Variants in DCDC1 observed in about 807,000 individuals in gnomAD.
The protein encoded by DCDC1 is doublecortin domain containing 1.
In DCDC1, 200 loss-of-function variants were observed where a neutral mutation model predicts 178.3. The ratio of observed to expected loss-of-function variants is 1.12; its 90% CI spans 1.00 to 1.26. DCDC1 has a LOEUF of 1.26. Among genes scored for constraint, DCDC1 ranks in the 50% most tolerant of loss-of-function variants. The pLI is 0.00. For missense variants in DCDC1, 1,983 were observed against 1,749.2 expected (o/e 1.13, Z -2.38); for synonymous variants, 690 against 604.8 (o/e 1.14, Z -2.07).
chr11:30,975,478 A>G (rs910297498), intron 20 of DCDC1, among the ~76,000 whole-genome samples: 4 of 152,020 alleles, frequency 2.6e-5, no homozygotes, highest in Non-Finnish European at 5.9e-5. Flanking sequence ...AAAAAACACT[A>G]AAGATTCCAT....
intron 12 of DCDC1, among the ~76,000 whole-genome samples, chr11:31,108,882 A>G (rs1428901836): frequency 6.6e-6 from 1 of 152,178 alleles, no homozygotes; most frequent in Non-Finnish European, 1.5e-5. Flanking sequence ...TTTATAGCAT[A>G]AGAATTTGTT....
intron 9 of DCDC1, among the ~76,000 whole-genome samples, chr11:31,187,792 A>G (rs1323837574): frequency 6.6e-6 from 1 of 152,188 alleles, no homozygotes; most frequent in Non-Finnish European, 1.5e-5. Flanking sequence ...GAGGATTCAT[A>G]GTCTAATCAC....
intron 9 of DCDC1, among the ~76,000 whole-genome samples, chr11:31,148,698 G>T (rs1466552918): frequency 7.3e-6 from 1 of 137,268 alleles, no homozygotes; most frequent in Admixed American, 7.3e-5. Context: ...GCAAGACTCC[G>T]TCTCAAAAAA....
chr11:31,057,052 T>A (rs1955628945), intron 20 of DCDC1, among the ~76,000 whole-genome samples: 1 of 151,656 alleles, frequency 6.6e-6, no homozygotes, highest in Admixed American at 6.6e-5. Flanking sequence ...GCCAACATGG[T>A]GAAAACCCAT....
intron 20 of DCDC1, among the ~76,000 whole-genome samples, chr11:31,026,616 G>T (rs1183783140): frequency 6.6e-6 from 1 of 151,770 alleles, no homozygotes; most frequent in African/African-American, 2.4e-5. Context: ...AGCAAGTGCT[G>T]CAATTCTCTG....
chr11:31,283,728 T>A (rs1362028747), intron 7 of DCDC1, among the ~76,000 whole-genome samples: 1 of 152,154 alleles, frequency 6.6e-6, no homozygotes, highest in Non-Finnish European at 1.5e-5. Context: ...GCTGTTCTTT[T>A]CCTGGCAGTT....
At chr11:31,050,354 C>T (rs1026336621) in intron 20 of DCDC1, among the ~76,000 whole-genome samples, 2 of 152,162 alleles carry the variant, frequency 1.3e-5, no homozygotes, top group South Asian at 2.1e-4. Flanking sequence ...GCAAGACCTG[C>T]CCAAGGACAG....
At chr11:30,957,782 A>G (rs979046848) in intron 20 of DCDC1, among the ~76,000 whole-genome samples, 1 of 152,200 alleles carries the variant, frequency 6.6e-6, no homozygotes, top group Non-Finnish European at 1.5e-5. Flanking sequence ...CCTTCATGAC[A>G]TGTGGTAAGA....
At chr11:31,282,090 A>C (rs1946479920) in intron 7 of DCDC1, among the ~76,000 whole-genome samples, 2 of 152,134 alleles carry the variant, frequency 1.3e-5, no homozygotes, top group African/African-American at 2.4e-5. Context: ...TAGTCTCATC[A>C]TGTGAGGGGG....
chr11:31,155,608 T>A (rs1238172357), intron 9 of DCDC1, among the ~76,000 whole-genome samples: 1 of 152,210 alleles, frequency 6.6e-6, no homozygotes, highest in African/African-American at 2.4e-5. Flanking sequence ...AGCCAGACAT[T>A]TCCCTCATGG....
intron 9 of DCDC1, among the ~76,000 whole-genome samples, chr11:31,144,501 A>G (rs1021818803): frequency 6.6e-6 from 1 of 152,170 alleles, no homozygotes; most frequent in African/African-American, 2.4e-5. Context: ...TAGTTGTAGC[A>G]TTTATGTTTT....
chr11:30,931,072 T>TA lies in DCDC1; in HGVS notation c.2897+698dup, dbSNP rs1946896137. Among the ~76,000 whole-genome samples the TA allele has an allele frequency of 4.6e-5, 7 of 152,136 alleles. No individual in the cohort carries two copies. The South Asian group carries it at 1.5e-3, about 32-fold the overall frequency. Reference sequence around the variant, plus strand: ...ACATCTCAAAAGAAAGGTCAAGAGGTAATATGGCTGCTAATAATATGAGAA... The same window carrying TA: ...ACATCTCAAAAGAAAGGTCAAGAGGTAAATATGGCTGCTAATAATATGAGAA... On this transcript the variant is annotated intron_variant, in intron 22 of 38. Transcript: ENST00000684477.
chr11:31,286,499 T>C lies in DCDC1; in HGVS notation c.960+4148A>G, dbSNP rs146419283. On this transcript the variant is annotated intron_variant, in intron 7 of 38. Transcript: ENST00000684477. ...GAAGAAAATATTAGAATTATTCATT[T>C]TTATCTATAAAAATCAATAATTATG... is the stretch of plus-strand genomic sequence containing the variant. Among the ~76,000 whole-genome samples, 1,036 of 152,056 alleles carry C rather than the reference T, an allele frequency of 6.8e-3. 13 individuals carry two copies. Among genetic ancestry groups the C allele is most frequent in the African/African-American group, 0.024 (983 of 41,528 alleles).
intron 21 of DCDC1, chr11:30,943,792 T>G: frequency 3.0e-6 from 1 of 327,920 alleles, no homozygotes; most frequent in East Asian, 7.9e-5. Context: ...CATAAAAATA[T>G]TATCAATTGC....
intron 1 of DCDC1, among the ~76,000 whole-genome samples, chr11:31,351,646 T>A (rs1177572797): frequency 2.0e-5 from 3 of 152,186 alleles, no homozygotes; most frequent in Non-Finnish European, 4.4e-5. Context: ...CTTACTTTAA[T>A]GGACAGTGTT....
intron 36 of DCDC1, among the ~76,000 whole-genome samples, chr11:30,888,098 A>AAGAAAGAAAG (rs1254212107): frequency 8.5e-5 from 9 of 105,496 alleles, no homozygotes; most frequent in African/African-American, 1.9e-4. Flanking sequence ...GAAAGAAAGA[A>AAGAAAGAAAG]AAAGAAAGAA....
At chr11:31,180,609 C>A (rs1968660260) in intron 9 of DCDC1, among the ~76,000 whole-genome samples, 1 of 152,122 alleles carries the variant, frequency 6.6e-6, no homozygotes. Context: ...TTGGGGAACT[C>A]CCTCCACTAG....
chr11:31,330,110 T>C (rs1234977418), intron 2 of DCDC1, among the ~76,000 whole-genome samples: 1 of 152,230 alleles, frequency 6.6e-6, no homozygotes, highest in Non-Finnish European at 1.5e-5. Flanking sequence ...TGTGAGATGG[T>C]ATCTCATTGT....
At chr11:31,228,235 A>G (rs1975270150) in intron 9 of DCDC1, among the ~76,000 whole-genome samples, 1 of 152,100 alleles carries the variant, frequency 6.6e-6, no homozygotes, top group Non-Finnish European at 1.5e-5. Flanking sequence ...ATGTTATCTG[A>G]CCACAATGGA....
Sources: allele counts gnomAD v4.1 joint callset (sites outside exome capture counted in the v4.1 genomes callset), GRCh38; gene constraint gnomAD v4.1.1; transcripts MANE v1.5; gene names NCBI Gene and HGNC (gene_info 2026-07-23, HGNC 2026-07-21).